Variants in GALNT13 observed in about 807,000 individuals in gnomAD.
GALNT13 encodes polypeptide N-acetylgalactosaminyltransferase 13, also known as UDP-GalNAc:polypeptide N-acetylgalactosaminyltransferase 13.
In GALNT13, 28 loss-of-function variants were observed where a neutral mutation model predicts 64.2. That is an observed-to-expected ratio of 0.44 (90% CI 0.32 to 0.60). The LOEUF is 0.60. GALNT13 is among the 20% of genes least tolerant of loss of function. The pLI, the probability that GALNT13 is intolerant of heterozygous loss-of-function variation, is 0.05. For missense variants in GALNT13, 577 were observed against 669.8 expected (o/e 0.86, Z 1.53); for synonymous variants, 214 against 224.6 (o/e 0.95, Z 0.42).
intron 9 of GALNT13, among the ~76,000 whole-genome samples, chr2:154,372,911 T>C (rs1466948694): frequency 4.6e-5 from 7 of 152,120 alleles, no homozygotes; most frequent in Admixed American, 2.6e-4. Flanking sequence ...AATATGATAA[T>C]TTTAAAATAA....
At chr2:153,079,075 T>C in the GALNT13 span, among the ~76,000 whole-genome samples, 1 of 152,106 alleles carries the variant, frequency 6.6e-6, no homozygotes, top group African/African-American at 2.4e-5. Flanking sequence ...GGTCAGTAGA[T>C]TAGGAGACGA....
At chr2:153,449,131 C>T in the GALNT13 span, among the ~76,000 whole-genome samples, 1 of 152,102 alleles carries the variant, frequency 6.6e-6, no homozygotes. Flanking sequence ...TGTCTACAAG[C>T]CAGGAACAGA....
At chr2:153,806,079 C>T in the GALNT13 span, among the ~76,000 whole-genome samples, 2 of 151,988 alleles carry the variant, frequency 1.3e-5, no homozygotes, top group Non-Finnish European at 2.9e-5. Flanking sequence ...CATCTGACAT[C>T]CAGGTAGTCT....
chr2:153,366,762 C>A, the GALNT13 span, among the ~76,000 whole-genome samples: 8 of 132,692 alleles, frequency 6.0e-5, no homozygotes, highest in Non-Finnish European at 1.0e-4. Context: ...CACACACACA[C>A]ACACACACAC....
chr2:153,332,264 T>A, the GALNT13 span, among the ~76,000 whole-genome samples: 3 of 152,206 alleles, frequency 2.0e-5, no homozygotes, highest in African/African-American at 7.2e-5. Context: ...CTAGATGTGA[T>A]GTTAGATGGC....
chr2:153,247,529 T>A, the GALNT13 span, among the ~76,000 whole-genome samples: 7 of 151,834 alleles, frequency 4.6e-5, no homozygotes, highest in African/African-American at 1.7e-4. Flanking sequence ...ATATTTCCAC[T>A]GAATGATAAA....
chr2:153,832,587 A>C, the GALNT13 span, among the ~76,000 whole-genome samples: 2 of 152,202 alleles, frequency 1.3e-5, no homozygotes, highest in East Asian at 3.9e-4. Context: ...ATATGAATAA[A>C]TATTACTGAT....
At chr2:153,265,576 A>G in the GALNT13 span, among the ~76,000 whole-genome samples, 3 of 152,186 alleles carry the variant, frequency 2.0e-5, no homozygotes, top group Non-Finnish European at 4.4e-5. Flanking sequence ...AGGTGATTCA[A>G]GACTGTCCTT....
chr2:154,259,177 C>A (rs1344362078), intron 8 of GALNT13, 39 bp downstream of exon 8: 2 of 1,140,636 alleles, frequency 1.8e-6, no homozygotes, highest in South Asian at 2.5e-5. Context: ...GCTGAACATA[C>A]AATGCTGTAG....
At chr2:153,134,627 C>T in the GALNT13 span, among the ~76,000 whole-genome samples, 1 of 152,286 alleles carries the variant, frequency 6.6e-6, no homozygotes, top group Admixed American at 6.5e-5. Context: ...CAATCTCCTT[C>T]TCAAACTTCT....
chr2:153,080,194 AT>A, the GALNT13 span, among the ~76,000 whole-genome samples: 2 of 151,644 alleles, frequency 1.3e-5, no homozygotes, highest in Admixed American at 6.6e-5. Context: ...TTTTATATTC[AT>A]TTTTTTCTAA....
chr2:154,279,101 A>G (rs907363360), intron 8 of GALNT13, among the ~76,000 whole-genome samples: 9 of 152,168 alleles, frequency 5.9e-5, no homozygotes, highest in Non-Finnish European at 1.2e-4. Flanking sequence ...TATCTGTGTG[A>G]CACTTAGTTT....
intron 1 of GALNT13, among the ~76,000 whole-genome samples, chr2:153,898,285 A>G (rs1403593125): frequency 1.3e-5 from 2 of 152,154 alleles, no homozygotes; most frequent in Admixed American, 6.5e-5. Flanking sequence ...TTTTTAGGAT[A>G]TGTGAACAGT....
chr2:154,296,028 G>T (rs1692903888), intron 8 of GALNT13, among the ~76,000 whole-genome samples: 1 of 152,186 alleles, frequency 6.6e-6, no homozygotes, highest in African/African-American at 2.4e-5. Flanking sequence ...TGGAGAGGAA[G>T]ATCTTAGTCT....
At chr2:153,537,906 G>A in the GALNT13 span, among the ~76,000 whole-genome samples, 1 of 152,190 alleles carries the variant, frequency 6.6e-6, no homozygotes, top group African/African-American at 2.4e-5. Context: ...CCAGTCTCAG[G>A]CAGTTCTTTA....
At chr2:153,890,605 A>G (rs188154017) in intron 1 of GALNT13, among the ~76,000 whole-genome samples, 21 of 152,180 alleles carry the variant, frequency 1.4e-4, no homozygotes, top group Admixed American at 4.6e-4. Context: ...TGACACTTTT[A>G]TCTGGGTCTC....
chr2:153,549,814 G>A, the GALNT13 span, among the ~76,000 whole-genome samples: 1 of 152,094 alleles, frequency 6.6e-6, no homozygotes. Context: ...GTGGGATTTT[G>A]CTGATGACCA....
intron 3 of GALNT13, among the ~76,000 whole-genome samples, chr2:154,043,506 A>G (rs1699123499): frequency 6.7e-6 from 1 of 148,342 alleles, no homozygotes; most frequent in Non-Finnish European, 1.5e-5. Flanking sequence ...TAAGGTCTCT[A>G]TTTAAAAATC....
At chr2:154,154,363 T>C (rs1378104627) in intron 4 of GALNT13, among the ~76,000 whole-genome samples, 1 of 152,190 alleles carries the variant, frequency 6.6e-6, no homozygotes. Flanking sequence ...TAGAAAGTTG[T>C]TAACTATCCA....
Sources: gnomAD v4.1 joint callset for allele counts (sites outside exome capture counted in the v4.1 genomes callset) on GRCh38, gnomAD v4.1.1 for gene constraint, MANE v1.5 for transcripts, NCBI Gene and HGNC (gene_info 2026-07-23, HGNC 2026-07-21) for gene names.